Variants in COL4A4 observed in about 807,000 individuals in gnomAD.
The protein encoded by COL4A4 is collagen alpha-4(IV) chain.
In COL4A4, 105 loss-of-function variants were observed where a neutral mutation model predicts 192.9. The ratio of observed to expected loss-of-function variants is 0.54; its 90% confidence interval spans 0.46 to 0.64. COL4A4 has a LOEUF of 0.64. COL4A4 is among the 30% of genes least tolerant of loss of function. The pLI is 0.00. For synonymous variants in COL4A4, 762 were observed against 769.9 expected (o/e 0.99, Z 0.17); for missense variants, 1,967 against 2,169.3 (o/e 0.91, Z 1.85).
chr2:227,150,486 T>C (rs896437272), intron 1 of COL4A4, among the ~76,000 whole-genome samples: 1 of 152,202 alleles, frequency 6.6e-6, no homozygotes, highest in Admixed American at 6.5e-5. Flanking sequence ...CTACTAAGAA[T>C]TCTCTTATTA....
intron 10 of COL4A4, 26 bp from the exon 11 acceptor site, chr2:227,108,894 A>T: frequency 6.2e-7 from 1 of 1,609,058 alleles, no homozygotes; most frequent in South Asian, 1.1e-5. Flanking sequence ...AAAAAACACA[A>T]ATCAATCATC....
chr2:227,055,371 G>A (rs1386377341), intron 30 of COL4A4, among the ~76,000 whole-genome samples: 4 of 151,320 alleles, frequency 2.6e-5, no homozygotes, highest in African/African-American at 4.9e-5. Context: ...AATTAGGCGT[G>A]GTGGCACATG....
chr2:226,995,115 T>C, the COL4A4 span, among the ~76,000 whole-genome samples: 1 of 151,248 alleles, frequency 6.6e-6, no homozygotes, highest in East Asian at 1.9e-4. Flanking sequence ...AAAAAGACAA[T>C]AAGCCCTTGA....
Position 227,123,418 on chromosome 2 carries a change from G to A in COL4A4, c.193-2270C>T, listed in dbSNP as rs1369523788. 6.6e-6 allele frequency among the ~76,000 whole-genome samples: 1 copy of A among 152,208 alleles called. No individual in the cohort carries two copies. Among genetic ancestry groups the A allele is most frequent in the Non-Finnish European group, 1.5e-5 (1 of 68,038 alleles). ...CCAGGAGCAACACAGAGGATGAGAAGTCAATGAGACCAACTTCTCCATTTG... is the reference window on the plus strand; with the variant it reads ...CCAGGAGCAACACAGAGGATGAGAAATCAATGAGACCAACTTCTCCATTTG... On this transcript the variant is annotated intron_variant, in intron 4 of 47. Coordinates refer to ENST00000396625, the MANE Select transcript of COL4A4 (RefSeq NM_000092.5). The surrounding 1 kb of genome is among the most constrained non-coding windows in gnomAD (Gnocchi z 4.6).
rs778896748 is a variant in COL4A4, at chr2:227,135,229, G to T, written c.192+4932C>A. Among the ~76,000 whole-genome samples, 4 of 138,002 alleles carry T rather than the reference G, an allele frequency of 2.9e-5. 1 individual carries two copies. The South Asian group carries it at 9.1e-4, about 31-fold the overall frequency. The allele number at this position is 138,002 out of a possible 152,430, so 90.5% of individuals were successfully genotyped here. ...CACAGAACCATGGGCTGCTAGAGCCGAGGGGACCAACCAGCCCCCTCTAGG... is the reference window on the plus strand; with the variant it reads ...CACAGAACCATGGGCTGCTAGAGCCTAGGGGACCAACCAGCCCCCTCTAGG... On this transcript the variant is annotated intron_variant, in intron 4 of 47. Transcript: ENST00000396625.
At chr2:226,993,788 G>A in the COL4A4 span, among the ~76,000 whole-genome samples, 9 of 152,274 alleles carry the variant, frequency 5.9e-5, no homozygotes, top group African/African-American at 1.4e-4. Flanking sequence ...CTTTGACAAC[G>A]GAAACTTCAG....
At chr2:226,988,257 A>G in the COL4A4 span, 133 of 1,373,254 alleles carry the variant, frequency 9.7e-5, no homozygotes, top group Admixed American at 4.3e-4. Context: ...GACTCATATC[A>G]GGGCCCTGAG....
chr2:227,103,140 C>G lies in COL4A4; in HGVS notation c.870+4G>C. Reference sequence around the variant, plus strand: ...AAAAAAAAAAAGGTACTTAAATAAACTACCTTGCGTCCTGGTGGTCCTGGC... The same window carrying G: ...AAAAAAAAAAAGGTACTTAAATAAAGTACCTTGCGTCCTGGTGGTCCTGGC... On this transcript the variant is annotated splice_donor_region_variant and intron_variant, in intron 14 of 47. Coordinates refer to ENST00000396625, the MANE Select transcript of COL4A4 (RefSeq NM_000092.5). 1 of 1,603,562 alleles carries G rather than the reference C, an allele frequency of 6.2e-7. No individual in the cohort carries two copies.
intron 37 of COL4A4, among the ~76,000 whole-genome samples, chr2:227,040,023 C>A (rs1012050946): frequency 1.2e-4 from 19 of 152,292 alleles, no homozygotes; most frequent in Admixed American, 9.2e-4. Context: ...CACAGACTTG[C>A]ACCAAGTAAT....
intron 25 of COL4A4, among the ~76,000 whole-genome samples, chr2:227,069,224 A>C (rs1405317132): frequency 6.6e-6 from 1 of 150,598 alleles, no homozygotes; most frequent in Non-Finnish European, 1.5e-5. Flanking sequence ...AAGAGGATAC[A>C]AACAAATGGA....
chr2:227,029,238 G>A (rs1361848847), intron 41 of COL4A4, among the ~76,000 whole-genome samples: 2 of 152,176 alleles, frequency 1.3e-5, no homozygotes, highest in Non-Finnish European at 2.9e-5. Flanking sequence ...TGAACTTCAT[G>A]TCCAGGTAGA....
chr2:227,056,214 C>T (rs1336166729), intron 29 of COL4A4, 99 bp from the exon 30 acceptor site: 1 of 1,022,356 alleles, frequency 9.8e-7, no homozygotes, highest in Non-Finnish European at 1.5e-6. Flanking sequence ...CGTTAAACAA[C>T]AGTAAAGCAA....
intron 17 of COL4A4, among the ~76,000 whole-genome samples, chr2:227,100,326 T>C (rs2060436561): frequency 6.6e-6 from 1 of 151,078 alleles, no homozygotes; most frequent in Non-Finnish European, 1.5e-5. Flanking sequence ...TTCTCAAATG[T>C]AGAACATAAT....
Position 227,048,376 on chromosome 2 carries a change from C to T in COL4A4, c.3215-827G>A, listed in dbSNP as rs552559518. Among the ~76,000 whole-genome samples the T allele has an allele frequency of 2.0e-4, 30 of 152,210 alleles. No homozygotes were observed. In the South Asian group the frequency reaches 4.6e-3, roughly 23 times the overall value. Reference sequence around the variant, plus strand: ...CCATTCCAGGTCAAACAAGTCTTTCCTTGAGAAGATGGAATAAGAAAGTGA... The same window carrying T: ...CCATTCCAGGTCAAACAAGTCTTTCTTTGAGAAGATGGAATAAGAAAGTGA... On this transcript the variant is annotated intron_variant, in intron 34 of 47. Transcript: ENST00000396625.
intron 4 of COL4A4, among the ~76,000 whole-genome samples, chr2:227,121,964 A>G (rs1473834952): frequency 6.6e-6 from 1 of 152,202 alleles, no homozygotes; most frequent in Non-Finnish European, 1.5e-5. Context: ...ATAACTAATG[A>G]TTTGCCTGCC....
intron 5 of COL4A4, among the ~76,000 whole-genome samples, chr2:227,120,626 T>C (rs1379024834): frequency 6.6e-6 from 1 of 152,134 alleles, no homozygotes; most frequent in African/African-American, 2.4e-5. Context: ...TTCAAGTATA[T>C]ACTACTCGTG....
In COL4A4 at chr2:227,140,916, CACACA is replaced by C. The variant is rs1559725942; in HGVS notation, c.115-683_115-679del. ...ACACACACACACACACACACACACA[CACACA>C]CCCTTTAGGAAGAATCAGCTCCTTG... is the stretch of plus-strand genomic sequence containing the variant. On this transcript the variant is annotated intron_variant, in intron 3 of 47. Transcript: ENST00000396625. 6.6e-3 allele frequency among the ~76,000 whole-genome samples: 990 copies of C among 150,738 alleles called. 12 individuals are homozygous for C. The highest frequency in any genetic ancestry group is 0.023 in the African/African-American group (942 of 40,552).
the COL4A4 span, among the ~76,000 whole-genome samples, chr2:226,991,849 C>T: frequency 1.3e-5 from 2 of 152,200 alleles, no homozygotes; most frequent in African/African-American, 4.8e-5. Context: ...AGCCTCCTCT[C>T]ACGTATGAGT....
At chr2:227,136,781 C>T (rs1185868071) in intron 4 of COL4A4, among the ~76,000 whole-genome samples, 1 of 152,162 alleles carries the variant, frequency 6.6e-6, no homozygotes, top group African/African-American at 2.4e-5. Context: ...CGGGCATTAA[C>T]CTGTAAGAGA....
Sources: allele counts gnomAD v4.1 joint callset (sites outside exome capture counted in the v4.1 genomes callset), GRCh38; gene constraint gnomAD v4.1.1; non-coding constraint Gnocchi (gnomAD v3.1); transcripts MANE v1.5; gene names NCBI Gene and HGNC (gene_info 2026-07-23, HGNC 2026-07-21).